JCAD: variants seen among roughly 807,000 people sequenced by gnomAD.
The protein encoded by JCAD is junctional cadherin 5-associated protein.
A neutral mutation model predicts 98.0 loss-of-function variants in JCAD; 40 were observed. The observed-to-expected ratio is 0.41, with a 90% CI of 0.32 to 0.53. The LOEUF is 0.53. JCAD is among the 20% of genes least tolerant of loss of function. The probability of loss-of-function intolerance (pLI) is 0.31; values close to 1 mark genes in which losing one functional copy is unlikely to be tolerated. For synonymous variants in JCAD, 691 were observed against 682.3 expected, an observed-to-expected ratio of 1.01 and a Z score of -0.20; for missense variants, 1,705 against 1,738.1, an observed-to-expected ratio of 0.98 and a Z score of 0.34.
chr10:30,026,761 T>C lies in JCAD; in HGVS notation c.3387A>G (p.Leu1129=), dbSNP rs762536332. 6.2e-7 allele frequency: 1 copy of C among 1,614,152 alleles called. No homozygotes were observed. The highest frequency in any genetic ancestry group is 8.5e-7 in the Non-Finnish European group (1 of 1,180,024). The change falls in exon 3 of 4, where the codon CTA becomes CTG. Residue 1129 remains leucine, a synonymous_variant. Transcript: ENST00000375377. ...CTPESPQEEL[L]SRPAPADVPR... ...GGACATCTGCCGGTGCTGGGCGAGATAGCAACTCTTCCTGGGGGGACTCTG... is the reference window on the plus strand; with the variant it reads ...GGACATCTGCCGGTGCTGGGCGAGACAGCAACTCTTCCTGGGGGGACTCTG...
intron 3 of JCAD, 67 bp from the exon 4 acceptor site, chr10:30,017,984 TAG>T: frequency 7.9e-7 from 1 of 1,259,188 alleles, no homozygotes; most frequent in Non-Finnish European, 1.1e-6. Flanking sequence ...GTTTAATCCT[TAG>T]ACCACGAATT....
chr10:30,029,254 G>A lies in JCAD; in HGVS notation c.894C>T (p.Tyr298=), dbSNP rs1836929517. 1.2e-6 allele frequency: 2 copies of A among 1,614,072 alleles called. No homozygotes were observed. The highest frequency in any genetic ancestry group is 1.7e-5 in the Admixed American group (1 of 60,008). Residue 298 remains tyrosine, a synonymous_variant, in exon 3 of 4, where the codon TAC becomes TAT. Transcript: ENST00000375377. ...CTCCCCTAGACTGCTGGTGCGAGCT[G>A]TAAGATGGGGGCTTGAGGGGCCTCC... The part of the protein sequence containing the change: ...KFGRPLKPPS[Y]SSHQQSRGGA...
At chr10:30,024,254 GATTT>G (rs1232301900) in intron 3 of JCAD, among the ~76,000 whole-genome samples, 2 of 152,186 alleles carry the variant, frequency 1.3e-5, no homozygotes, top group Non-Finnish European at 2.9e-5. Context: ...ATTATAACAG[GATTT>G]ATTTGTCTTA....
At position 30,047,874 on chromosome 10, in the gene JCAD, G is replaced by A; in HGVS notation, c.-59-3C>T. The A allele has an allele frequency of 6.6e-7, 1 of 1,520,394 alleles. No individual in the cohort carries two copies. Among genetic ancestry groups the A allele is most frequent in the Non-Finnish European group, 8.9e-7 (1 of 1,125,038 alleles). 94.2% of individuals were successfully genotyped at this position (1,520,394 alleles called of 1,614,324 possible). A position where few individuals can be genotyped will look rare whatever the true frequency, so the allele number is the denominator to read the frequency against. ...CATGGTGGTGGCAGGACCCAGCACT[G>A]CAGGACAACAGAGAGCTCTATTTGT... On this transcript the variant is annotated splice_polypyrimidine_tract_variant and splice_region_variant and intron_variant, in intron 1 of 3. Transcript: ENST00000375377.
At chr10:30,038,794 G>GGTATA (rs1265796895) in intron 2 of JCAD, among the ~76,000 whole-genome samples, 3 of 151,924 alleles carry the variant, frequency 2.0e-5, no homozygotes, top group Admixed American at 6.6e-5. Flanking sequence ...AAGGAAGAAG[G>GGTATA]GTATAGGTCC....
At chr10:30,089,076 T>G (rs1043725739) in intron 1 of JCAD, among the ~76,000 whole-genome samples, 2 of 152,202 alleles carry the variant, frequency 1.3e-5, no homozygotes, top group Non-Finnish European at 2.9e-5. Context: ...GGCTTACAGA[T>G]CCTAAATCCC....
chr10:30,066,411 A>G (rs912899373), intron 2 of JCAD, among the ~76,000 whole-genome samples: 1 of 152,202 alleles, frequency 6.6e-6, no homozygotes, highest in Non-Finnish European at 1.5e-5. Flanking sequence ...TGTTACACTC[A>G]CCGTAGCAAA....
At chr10:30,087,418 G>A (rs1350488004) in intron 1 of JCAD, among the ~76,000 whole-genome samples, 1 of 152,110 alleles carries the variant, frequency 6.6e-6, no homozygotes, top group Non-Finnish European at 1.5e-5. Flanking sequence ...CGGCCTGGGT[G>A]ACGGAGAGAG....
At chr10:30,062,752 T>G (rs1006952711), upstream of JCAD, among the ~76,000 whole-genome samples, 1 of 152,266 alleles carries the variant, frequency 6.6e-6, no homozygotes, top group South Asian at 2.1e-4. Context: ...CTCATGAGAC[T>G]TATTCACTAT....
chr10:30,105,953 C>G (rs1162679133), intron 1 of JCAD, among the ~76,000 whole-genome samples: 1 of 152,190 alleles, frequency 6.6e-6, no homozygotes, highest in African/African-American at 2.4e-5. Context: ...TAATGTAACT[C>G]TGCTAACTCT....
At chr10:30,071,570 C>T (rs930619815) in intron 1 of JCAD, among the ~76,000 whole-genome samples, 3 of 152,052 alleles carry the variant, frequency 2.0e-5, no homozygotes, top group Non-Finnish European at 4.4e-5. Flanking sequence ...TTTGGGAGGC[C>T]GAGGCGGGCA....
chr10:30,051,999 A>G (rs549893083), intron 1 of JCAD, among the ~76,000 whole-genome samples: 1 of 152,338 alleles, frequency 6.6e-6, no homozygotes, highest in Admixed American at 6.5e-5. Context: ...ATGGATTCTC[A>G]TCAAAGATTA....
At chr10:30,094,748 C>A (rs1476368500) in intron 1 of JCAD, among the ~76,000 whole-genome samples, 1 of 152,204 alleles carries the variant, frequency 6.6e-6, no homozygotes, top group Non-Finnish European at 1.5e-5. Context: ...CCACTCCTAA[C>A]TTAGCTTCTT....
chr10:30,023,170 T>C (rs1203869315), intron 3 of JCAD, among the ~76,000 whole-genome samples: 1 of 152,038 alleles, frequency 6.6e-6, no homozygotes, highest in East Asian at 1.9e-4. Flanking sequence ...CCCAAGTAAT[T>C]GGGATTACAG....
At chr10:30,031,565 C>T (rs1836991552) in intron 2 of JCAD, among the ~76,000 whole-genome samples, 1 of 150,910 alleles carries the variant, frequency 6.6e-6, no homozygotes, top group Admixed American at 6.6e-5. Context: ...CCTCAGCCTC[C>T]CGAGTAGCTG....
chr10:30,042,801 T>C (rs976385393), intron 2 of JCAD, among the ~76,000 whole-genome samples: 9 of 152,112 alleles, frequency 5.9e-5, no homozygotes, highest in Non-Finnish European at 1.3e-4. Context: ...TCCTTTCAGG[T>C]AGGTTCCACT....
rs58164754 is a variant in JCAD, at chr10:30,019,357, C to CAAAAAAAAA, written c.4046-1449_4046-1441dup. 4.5e-4 allele frequency among the ~76,000 whole-genome samples: 45 copies of CAAAAAAAAA among 100,218 alleles called. No individual in the cohort carries two copies. The East Asian group carries it at 5.6e-3, about 13-fold the overall frequency. The allele number at this position is 100,218 out of a possible 152,430, so 65.7% of individuals were successfully genotyped here. A position where few individuals can be genotyped will look rare whatever the true frequency, so the allele number is the denominator to read the frequency against. On this transcript the variant is annotated intron_variant, in intron 3 of 3. Coordinates refer to ENST00000375377, the MANE Select transcript of JCAD (RefSeq NM_020848.4). ...GGGCAACAAGAGCGAAACTCTGTCT[C>CAAAAAAAAA]AAAAAAAAAAAAAAAAAAAAGAAAA...
At position 30,027,571 on chromosome 10, in the gene JCAD, A is replaced by ACTGCTGCTGCTG. The variant is rs34594193; in HGVS notation, c.2565_2576dup (p.Ser856_Ser859dup). 18 of 1,612,298 alleles carry ACTGCTGCTGCTG rather than the reference A, an allele frequency of 1.1e-5. No individual in the cohort carries two copies. The Admixed American group carries it at 1.3e-4, about 12-fold the overall frequency. ...GCTGCGGCTCCGCCTCACTCTCCTC[A>ACTGCTGCTGCTG]CTGCTGCTGCTGCTGCTGCTGCTGC... is the stretch of plus-strand genomic sequence containing the variant. On this transcript the variant is annotated inframe_insertion, in exon 3 of 4. Coordinates refer to ENST00000375377, the MANE Select transcript of JCAD (RefSeq NM_020848.4).
At chr10:30,112,428 A>C (rs1394850534) in intron 1 of JCAD, among the ~76,000 whole-genome samples, 1 of 152,158 alleles carries the variant, frequency 6.6e-6, no homozygotes, top group African/African-American at 2.4e-5. Flanking sequence ...GCCTGCAGGG[A>C]GCTATGATTG....
Sources: gnomAD v4.1 joint callset for allele counts (sites outside exome capture counted in the v4.1 genomes callset) on GRCh38, gnomAD v4.1.1 for gene constraint, MANE v1.5 for transcripts, NCBI Gene and HGNC (gene_info 2026-07-23, HGNC 2026-07-21) for gene names.